Variants in SMIM21 observed in about 807,000 individuals in gnomAD.
The protein encoded by SMIM21 is small integral membrane protein 21, also known as chromosome 18 open reading frame 62.
A neutral mutation model predicts 8.6 loss-of-function variants in SMIM21; 8 were observed. That is an observed-to-expected ratio of 0.93 (90% CI 0.55 to 1.68). The LOEUF is 1.68. SMIM21 is among the 40% of genes most tolerant of loss of function. The probability of loss-of-function intolerance (pLI) is 0.00; values close to 1 mark genes in which losing one functional copy is unlikely to be tolerated. For synonymous variants in SMIM21, 43 were observed against 41.7 expected (o/e 1.03, Z -0.12); for missense variants, 132 against 123.0 (o/e 1.07, Z -0.35).
At chr18:75,418,994 T>C in intron 1 of SMIM21, 78 bp from the exon 2 acceptor site, 1 of 812,428 alleles carries the variant, frequency 1.2e-6, no homozygotes, top group Non-Finnish European at 1.9e-6. Context: ...GCTAACTCTT[T>C]GTCAAACAAT....
At chr18:75,417,810 A>C (rs887739883) in intron 2 of SMIM21, 2 of 171,236 alleles carry the variant, frequency 1.2e-5, no homozygotes, top group African/African-American at 4.7e-5. Context: ...TCCAATTAAG[A>C]ACTTATCGCC....
intron 1 of SMIM21, among the ~76,000 whole-genome samples, chr18:75,420,949 A>G (rs2024701904): frequency 1.3e-5 from 2 of 152,156 alleles, no homozygotes; most frequent in African/African-American, 4.8e-5. Context: ...CCACAGGAAA[A>G]CTAGAAGCCA....
intron 1 of SMIM21, among the ~76,000 whole-genome samples, chr18:75,422,836 A>G (rs1439418122): frequency 6.6e-6 from 1 of 152,136 alleles, no homozygotes; most frequent in African/African-American, 2.4e-5. Flanking sequence ...TGGTCATGAG[A>G]TTTCTTTATG....
At chr18:75,412,157 C>T (rs896404642) in intron 2 of SMIM21, among the ~76,000 whole-genome samples, 1 of 152,202 alleles carries the variant, frequency 6.6e-6, no homozygotes, top group African/African-American at 2.4e-5. Flanking sequence ...GACCTCTGGC[C>T]TTCAACAGAT....
intron 2 of SMIM21, among the ~76,000 whole-genome samples, chr18:75,415,123 A>G (rs2024630075): frequency 6.6e-6 from 1 of 152,090 alleles, no homozygotes; most frequent in Non-Finnish European, 1.5e-5. Context: ...CTGCTGCACC[A>G]TGAACACCTC....
At chr18:75,414,092 CACACAT>C (rs1308069528) in intron 2 of SMIM21, among the ~76,000 whole-genome samples, 16 of 135,770 alleles carry the variant, frequency 1.2e-4, no homozygotes, top group Admixed American at 3.0e-4. Flanking sequence ...CACACACACA[CACACAT>C]ACACACACAC....
chr18:75,421,555 T>C (rs1285743783), intron 1 of SMIM21, among the ~76,000 whole-genome samples: 2 of 151,624 alleles, frequency 1.3e-5, no homozygotes, highest in East Asian at 1.9e-4. Context: ...AAATGGAAGA[T>C]CTCATCCTAG....
At chr18:75,418,550 CTCTG>C (rs1352293711) in intron 2 of SMIM21, among the ~76,000 whole-genome samples, 5 of 152,208 alleles carry the variant, frequency 3.3e-5, no homozygotes, top group Non-Finnish European at 7.3e-5. Context: ...ACATGGCTCA[CTCTG>C]TCTATCTATG....
chr18:75,420,873 G>T, intron 1 of SMIM21, among the ~76,000 whole-genome samples: 1 of 152,118 alleles, frequency 6.6e-6, no homozygotes, highest in Middle Eastern at 3.2e-3. Flanking sequence ...CACTGACCTG[G>T]GGATCCACAG....
chr18:75,416,901 C>T (rs2024652039), intron 2 of SMIM21: 1 of 152,192 alleles, frequency 6.6e-6, no homozygotes, highest in East Asian at 1.9e-4. Flanking sequence ...GCTTTTCAAC[C>T]CCTGGAGTTC....
At chr18:75,426,804 G>T (rs61053137) in intron 1 of SMIM21, among the ~76,000 whole-genome samples, 3 of 152,246 alleles carry the variant, frequency 2.0e-5, no homozygotes, top group African/African-American at 7.2e-5. Context: ...TACAGGAGAA[G>T]ACATTCCAGA....
intron 2 of SMIM21, among the ~76,000 whole-genome samples, chr18:75,415,506 G>A (rs1434718968): frequency 3.9e-5 from 6 of 152,184 alleles, no homozygotes; most frequent in African/African-American, 1.2e-4. Context: ...TGAGCATTCT[G>A]ACTTGCCTGG....
intron 2 of SMIM21, among the ~76,000 whole-genome samples, chr18:75,414,541 A>C (rs1200385510): frequency 6.6e-6 from 1 of 152,140 alleles, no homozygotes; most frequent in Non-Finnish European, 1.5e-5. Context: ...AGAGCCCTGC[A>C]TTACCTCTGG....
chr18:75,425,421 A>G (rs1024015587), intron 1 of SMIM21, among the ~76,000 whole-genome samples: 10 of 152,192 alleles, frequency 6.6e-5, no homozygotes, highest in Non-Finnish European at 1.2e-4. Flanking sequence ...AATAGCAGGA[A>G]GGAATTCCTT....
In SMIM21 at chr18:75,427,415, T is replaced by C. The variant is rs752804443; in HGVS notation, c.129+20A>G. The C allele has an allele frequency of 1.2e-6, 2 of 1,611,518 alleles. No homozygotes were observed. Among genetic ancestry groups the C allele is most frequent in the East Asian group, 2.2e-5 (1 of 44,872 alleles). On this transcript the variant is annotated intron_variant, in intron 1 of 2. Transcript: ENST00000579022. ...GATACGTCTCTCTCATAACCCAAAG[T>C]TAAAGACCCATAAACTCACTGTGGT...
At chr18:75,424,909 T>C (rs1171183202) in intron 1 of SMIM21, among the ~76,000 whole-genome samples, 2 of 152,184 alleles carry the variant, frequency 1.3e-5, no homozygotes, top group East Asian at 3.9e-4. Context: ...CAATTGCTTT[T>C]AAAGCTTCTG....
intron 1 of SMIM21, among the ~76,000 whole-genome samples, chr18:75,426,341 G>A (rs1326040647): frequency 2.0e-5 from 3 of 151,474 alleles, no homozygotes; most frequent in African/African-American, 4.9e-5. Flanking sequence ...ACAGAGTCTC[G>A]CTCTGTCACC....
At chr18:75,411,989 G>C (rs189981858) in intron 2 of SMIM21, among the ~76,000 whole-genome samples, 1 of 152,320 alleles carries the variant, frequency 6.6e-6, no homozygotes, top group Non-Finnish European at 1.5e-5. Context: ...CAAATATATA[G>C]ATGAAGGTGA....
intron 2 of SMIM21, among the ~76,000 whole-genome samples, chr18:75,413,075 T>A (rs760520343): frequency 6.6e-5 from 10 of 152,128 alleles, no homozygotes; most frequent in Non-Finnish European, 1.5e-4. Context: ...ATGCTGGCAG[T>A]CGCTGAGGTC....
Sources: allele counts gnomAD v4.1 joint callset (sites outside exome capture counted in the v4.1 genomes callset), GRCh38; gene constraint gnomAD v4.1.1; transcripts MANE v1.5; gene names NCBI Gene and HGNC (gene_info 2026-07-23, HGNC 2026-07-21).